BNC2: variants seen among roughly 807,000 people sequenced by gnomAD.
BNC2 encodes basonuclin zinc finger protein 2.
In BNC2, 20 loss-of-function variants were observed where a neutral mutation model predicts 76.3. The observed-to-expected ratio is 0.26, with a 90% confidence interval of 0.18 to 0.38. BNC2 has a LOEUF of 0.38. Ranked by LOEUF, BNC2 falls within the 10% of genes least tolerant of loss-of-function variation. The pLI is 1.00. For synonymous variants in BNC2, 582 were observed against 514.8 expected (o/e 1.13, Z -1.77); for missense variants, 1,382 against 1,399.8 (o/e 0.99, Z 0.20).
At chr9:16,438,985 T>C (rs1289725358) in intron 5 of BNC2, among the ~76,000 whole-genome samples, 3 of 152,112 alleles carry the variant, frequency 2.0e-5, no homozygotes, top group Admixed American at 6.5e-5. Flanking sequence ...TGGAAGTTAG[T>C]TGAATCATGG....
In BNC2 at chr9:16,832,116, G is replaced by A. The variant is rs1818589717; in HGVS notation, c.3+38530C>T. On this transcript the variant is annotated intron_variant, in intron 1 of 6. Transcript: ENST00000380672. ...TCCAGCTGGCTATGAGTAAAATACTGCAATGCAGCTTCCTGGATGTAGGAT... is the reference window on the plus strand; with the variant it reads ...TCCAGCTGGCTATGAGTAAAATACTACAATGCAGCTTCCTGGATGTAGGAT... 4.6e-5 allele frequency: 12 copies of A among 261,296 alleles called. No homozygotes were observed. The South Asian group carries it at 5.1e-4, about 11-fold the overall frequency. 16.2% of individuals were successfully genotyped at this position (261,296 alleles called of 1,614,324 possible).
intron 3 of BNC2, among the ~76,000 whole-genome samples, chr9:16,703,664 T>A (rs1230808045): frequency 3.9e-5 from 6 of 152,164 alleles, no homozygotes; most frequent in Admixed American, 2.0e-4. Flanking sequence ...TTAGTCAGAT[T>A]AAACTCAGGG....
chr9:16,484,887 C>CT (rs1822129066), intron 5 of BNC2, among the ~76,000 whole-genome samples: 1 of 152,180 alleles, frequency 6.6e-6, no homozygotes. Context: ...GGGGAGATTA[C>CT]TAATAGGCAT....
intron 1 of BNC2, among the ~76,000 whole-genome samples, chr9:16,822,691 AG>A: frequency 6.6e-6 from 1 of 152,322 alleles, no homozygotes; most frequent in Middle Eastern, 3.4e-3. Flanking sequence ...AATTCACATC[AG>A]ATTTTTTTAA....
At chr9:16,520,155 C>T (rs748412720) in intron 5 of BNC2, among the ~76,000 whole-genome samples, 3 of 152,192 alleles carry the variant, frequency 2.0e-5, no homozygotes, top group South Asian at 4.1e-4. Flanking sequence ...TACGAGGAAA[C>T]CTTTCCCGTG....
intron 1 of BNC2, among the ~76,000 whole-genome samples, chr9:16,747,329 C>T (rs7047213): frequency 0.86 from 130,926 of 152,150 alleles, 56,727 homozygotes; most frequent in Non-Finnish European, 0.91. Flanking sequence ...CAAGACATTG[C>T]AAGTTTTATA....
chr9:16,548,002 T>C (rs992899820), intron 5 of BNC2, among the ~76,000 whole-genome samples: 2 of 152,194 alleles, frequency 1.3e-5, no homozygotes, highest in African/African-American at 2.4e-5. Context: ...AATGCTCTTC[T>C]AATGTACCAA....
chr9:16,783,479 G>T (rs1347061691), intron 1 of BNC2, among the ~76,000 whole-genome samples: 1 of 152,138 alleles, frequency 6.6e-6, no homozygotes, highest in Non-Finnish European at 1.5e-5. Flanking sequence ...TTATAGCTAC[G>T]CTTACGCTTC....
chr9:16,463,402 T>C (rs1366989853), intron 5 of BNC2, among the ~76,000 whole-genome samples: 2 of 135,184 alleles, frequency 1.5e-5, no homozygotes, highest in South Asian at 2.4e-4. Flanking sequence ...GTTCACGCCA[T>C]TCTCCTGCCT....
rs536153561 is a variant in BNC2 at position 16,587,488 on chromosome 9, C to T, written c.331-4403G>A. On this transcript the variant is annotated intron_variant, in intron 3 of 6. Transcript: ENST00000380672. ...ATCCCTTCCTTTCCTGTCTTTTATT[C>T]TCACGGTTACTACCATAATTCCAGT... Among the ~76,000 whole-genome samples the T allele has an allele frequency of 1.9e-4, 29 of 152,220 alleles. No homozygotes were observed. The South Asian group carries it at 6.0e-3, about 32-fold the overall frequency.
At chr9:16,858,627 G>A (rs895958673) in intron 1 of BNC2, among the ~76,000 whole-genome samples, 5 of 152,006 alleles carry the variant, frequency 3.3e-5, no homozygotes, top group Non-Finnish European at 4.4e-5. Flanking sequence ...GGTGGATCAC[G>A]AGGTCAGGAG....
At chr9:16,711,854 G>C (rs1429877190) in intron 3 of BNC2, among the ~76,000 whole-genome samples, 1 of 152,202 alleles carries the variant, frequency 6.6e-6, no homozygotes, top group Non-Finnish European at 1.5e-5. Flanking sequence ...ATTTCTCTGA[G>C]TCTTCACTTA....
At chr9:16,580,639 A>G (rs1486114139) in intron 4 of BNC2, among the ~76,000 whole-genome samples, 4 of 152,176 alleles carry the variant, frequency 2.6e-5, no homozygotes, top group Non-Finnish European at 5.9e-5. Context: ...CATTAAATAG[A>G]TAAAACAAAC....
At chr9:16,859,721 G>A (rs1178375972) in intron 1 of BNC2, among the ~76,000 whole-genome samples, 2 of 152,334 alleles carry the variant, frequency 1.3e-5, no homozygotes, top group East Asian at 1.9e-4. Context: ...GTAAACGGGA[G>A]TTGTTATTCA....
At chr9:16,473,194 T>G (rs555750277) in intron 5 of BNC2, 2 of 152,314 alleles carry the variant, frequency 1.3e-5, no homozygotes, top group South Asian at 2.1e-4. Context: ...AAGAAACTAT[T>G]TTAATTAGCA....
rs188790780 is a variant in BNC2 at position 16,599,602 on chromosome 9, G to A, written c.331-16517C>T. ...AGTTCAACACCAGCCTGGCCAACACGGTGAAACCCCATCTCTATTAAAAAT... is the reference window on the plus strand; with the variant it reads ...AGTTCAACACCAGCCTGGCCAACACAGTGAAACCCCATCTCTATTAAAAAT... On this transcript the variant is annotated intron_variant, in intron 3 of 6. Coordinates refer to ENST00000380672, the MANE Select transcript of BNC2 (RefSeq NM_017637.6). Among the ~76,000 whole-genome samples the A allele has an allele frequency of 1.7e-3, 254 of 152,168 alleles. 1 individual carries two copies. Among genetic ancestry groups the A allele is most frequent in the African/African-American group, 5.8e-3 (241 of 41,514 alleles).
intron 5 of BNC2, among the ~76,000 whole-genome samples, chr9:16,520,228 G>A (rs1053552707): frequency 2.0e-5 from 3 of 152,128 alleles, no homozygotes; most frequent in South Asian, 2.1e-4. Context: ...ACACCAACCC[G>A]ACACTTGGGC....
chr9:16,664,684 A>AT (rs1050026694), intron 3 of BNC2, among the ~76,000 whole-genome samples: 1 of 150,356 alleles, frequency 6.7e-6, no homozygotes, highest in Non-Finnish European at 1.5e-5. Flanking sequence ...CAATAAGGGT[A>AT]TTCAGGAAAA....
chr9:16,653,941 C>G (rs143437908), intron 3 of BNC2, among the ~76,000 whole-genome samples: 5 of 151,976 alleles, frequency 3.3e-5, no homozygotes, highest in Admixed American at 3.3e-4. Flanking sequence ...CCTCGGCCCC[C>G]CTCCTGCCTG....
Sources: allele counts gnomAD v4.1 joint callset (sites outside exome capture counted in the v4.1 genomes callset), GRCh38; gene constraint gnomAD v4.1.1; transcripts MANE v1.5; gene names NCBI Gene and HGNC (gene_info 2026-07-23, HGNC 2026-07-21).